The following XKR4 variants were observed in gnomAD, a reference collection of about 807,000 sequenced individuals.
XKR4 encodes XK-related protein 4.
Under a neutral mutation model 53.9 loss-of-function variants are expected in XKR4, and 12 were observed. The observed-to-expected ratio is 0.22, with a 90% CI of 0.14 to 0.36. The LOEUF is 0.36. XKR4 is among the 10% of genes least tolerant of loss of function. The pLI is 1.00. For synonymous variants in XKR4, 354 were observed against 362.4 expected (o/e 0.98, Z 0.26); for missense variants, 799 against 859.5 (o/e 0.93, Z 0.88).
intron 1 of XKR4, among the ~76,000 whole-genome samples, chr8:55,224,819 T>C (rs1255306393): frequency 6.6e-6 from 1 of 152,206 alleles, no homozygotes; most frequent in East Asian, 1.9e-4. Context: ...TAGATTATAT[T>C]ATCTAAATGT....
At chr8:55,495,608 T>A (rs1806332626) in intron 2 of XKR4, among the ~76,000 whole-genome samples, 1 of 152,202 alleles carries the variant, frequency 6.6e-6, no homozygotes, top group South Asian at 2.1e-4. Flanking sequence ...ATTTGAGGAT[T>A]GTCTCCTTCC....
At chr8:55,437,955 A>G (rs552775196) in intron 2 of XKR4, among the ~76,000 whole-genome samples, 1 of 102,576 alleles carries the variant, frequency 9.7e-6, no homozygotes, top group African/African-American at 3.1e-5. Flanking sequence ...ACAAACAAAC[A>G]AAAAAAAAAA....
chr8:55,409,350 T>C (rs2129390967), intron 2 of XKR4, among the ~76,000 whole-genome samples: 1 of 152,298 alleles, frequency 6.6e-6, no homozygotes, highest in South Asian at 2.1e-4. Flanking sequence ...ACTTCAACTG[T>C]GGGAGCTGTG....
chr8:55,299,407 G>C (rs1303642677), intron 1 of XKR4, among the ~76,000 whole-genome samples: 2 of 152,306 alleles, frequency 1.3e-5, no homozygotes, highest in East Asian at 3.9e-4. Context: ...AGTGAGACCA[G>C]GCAGGCCAGC....
chr8:55,439,942 A>G (rs1297046129), intron 2 of XKR4, among the ~76,000 whole-genome samples: 1 of 152,198 alleles, frequency 6.6e-6, no homozygotes. Flanking sequence ...GGACGCCAAA[A>G]AACCAAAGAT....
At chr8:55,185,811 C>T (rs1414159187) in intron 1 of XKR4, among the ~76,000 whole-genome samples, 2 of 152,118 alleles carry the variant, frequency 1.3e-5, no homozygotes, top group Admixed American at 6.5e-5. Flanking sequence ...GAGTTTGATT[C>T]CACCTAGATT....
intron 2 of XKR4, among the ~76,000 whole-genome samples, chr8:55,395,830 G>A (rs1047170771): frequency 2.6e-5 from 4 of 152,152 alleles, no homozygotes; most frequent in African/African-American, 7.2e-5. Flanking sequence ...CTGTTCTGGC[G>A]GCTACAACAA....
intron 1 of XKR4, among the ~76,000 whole-genome samples, chr8:55,250,101 C>A (rs998370932): frequency 3.3e-5 from 5 of 152,182 alleles, no homozygotes; most frequent in Non-Finnish European, 5.9e-5. Context: ...TGTTCAAAGT[C>A]ATTTGTAAGT....
At chr8:55,246,519 A>G (rs1293359264) in intron 1 of XKR4, among the ~76,000 whole-genome samples, 1 of 152,202 alleles carries the variant, frequency 6.6e-6, no homozygotes, top group African/African-American at 2.4e-5. Flanking sequence ...CGAGTGGCTT[A>G]TAGAACAGAA....
intron 1 of XKR4, among the ~76,000 whole-genome samples, chr8:55,208,345 T>C (rs534333004): frequency 6.6e-6 from 1 of 152,372 alleles, no homozygotes; most frequent in East Asian, 1.9e-4. Context: ...ACATTTAGTA[T>C]TTTTTCCCAA....
intron 1 of XKR4, among the ~76,000 whole-genome samples, chr8:55,245,567 C>A (rs565937124): frequency 2.0e-4 from 31 of 152,184 alleles, no homozygotes; most frequent in Non-Finnish European, 4.3e-4. Flanking sequence ...TCCTCTTTTC[C>A]CTGGTCTTGT....
At chr8:55,188,507 A>G (rs1283918376) in intron 1 of XKR4, among the ~76,000 whole-genome samples, 1 of 152,234 alleles carries the variant, frequency 6.6e-6, no homozygotes, top group Non-Finnish European at 1.5e-5. Context: ...CTCTTCCAAG[A>G]CAGTCGTTCA....
At chr8:55,396,829 A>G (rs1585554843) in intron 2 of XKR4, among the ~76,000 whole-genome samples, 1 of 152,224 alleles carries the variant, frequency 6.6e-6, no homozygotes, top group Admixed American at 6.5e-5. Context: ...AAGACTTTAC[A>G]TGTATTTACC....
intron 2 of XKR4, among the ~76,000 whole-genome samples, chr8:55,445,231 G>T (rs531721253): frequency 1.3e-5 from 2 of 151,966 alleles, no homozygotes; most frequent in Non-Finnish European, 2.9e-5. Context: ...CTAATTTTTT[G>T]TATTTTTAGT....
intron 1 of XKR4, among the ~76,000 whole-genome samples, chr8:55,351,731 G>A (rs1350151367): frequency 2.6e-5 from 4 of 152,180 alleles, no homozygotes; most frequent in Non-Finnish European, 5.9e-5. Flanking sequence ...CCTGATCAAA[G>A]CCAGCATCTT....
chr8:55,122,458 T>C (rs7829942), intron 1 of XKR4, among the ~76,000 whole-genome samples: 37,475 of 152,174 alleles, frequency 0.25, 5,307 homozygotes, highest in East Asian at 0.39. Context: ...TTAAATTAAT[T>C]AAACATAATC....
At chr8:55,354,796 A>G (rs1448052199) in intron 1 of XKR4, among the ~76,000 whole-genome samples, 2 of 152,130 alleles carry the variant, frequency 1.3e-5, no homozygotes, top group Non-Finnish European at 2.9e-5. Context: ...AAATTGTAAA[A>G]GCTATGAAGA....
intron 1 of XKR4, among the ~76,000 whole-genome samples, chr8:55,250,374 T>TA (rs1818347514): frequency 6.6e-6 from 1 of 152,320 alleles, no homozygotes; most frequent in Admixed American, 6.5e-5. Context: ...CAGAAATATC[T>TA]AAAAAAGCAG....
At chr8:55,110,515 A>G (rs975040405) in intron 1 of XKR4, among the ~76,000 whole-genome samples, 2 of 152,192 alleles carry the variant, frequency 1.3e-5, no homozygotes, top group Admixed American at 1.3e-4. Context: ...CTTCTCTGAG[A>G]TTCTAATGGT....
Sources: gnomAD v4.1 joint callset for allele counts (sites outside exome capture counted in the v4.1 genomes callset) on GRCh38, gnomAD v4.1.1 for gene constraint, MANE v1.5 for transcripts, NCBI Gene and HGNC (gene_info 2026-07-23, HGNC 2026-07-21) for gene names.